CDH8: variants seen among roughly 807,000 people sequenced by gnomAD.
CDH8 encodes the protein cadherin-8.
In CDH8, 17 loss-of-function variants were observed where a neutral mutation model predicts 68.1. That is an observed-to-expected ratio of 0.25 (90% CI 0.17 to 0.37). CDH8 has a LOEUF of 0.37. Among genes scored for constraint, CDH8 ranks in the 10% least tolerant of loss-of-function variants. The probability of loss-of-function intolerance (pLI) is 1.00; values close to 1 mark genes in which losing one functional copy is unlikely to be tolerated. For synonymous variants in CDH8, 372 were observed against 365.1 expected (o/e 1.02, Z -0.21); for missense variants, 763 against 999.3 (o/e 0.76, Z 3.19).
chr16:62,004,061 TGGCC>T (rs1400839104), intron 2 of CDH8, among the ~76,000 whole-genome samples: 3 of 152,178 alleles, frequency 2.0e-5, no homozygotes, highest in Non-Finnish European at 4.4e-5. Flanking sequence ...GTGTAACATA[TGGCC>T]ATAGAGTGAC....
intron 4 of CDH8, among the ~76,000 whole-genome samples, chr16:61,849,350 T>C (rs1597016227): frequency 1.3e-5 from 2 of 150,382 alleles, no homozygotes; most frequent in South Asian, 4.2e-4. Flanking sequence ...GGATGAAGAG[T>C]GCATTAGGAG....
At chr16:62,025,961 A>G (rs1001534050) in intron 1 of CDH8, among the ~76,000 whole-genome samples, 1 of 152,134 alleles carries the variant, frequency 6.6e-6, no homozygotes, top group African/African-American at 2.4e-5. Flanking sequence ...TATTTTAAGT[A>G]ATGTTTCATT....
chr16:61,702,945 G>T lies in CDH8; in HGVS notation c.1654+10896C>A, dbSNP rs536131227. Among the ~76,000 whole-genome samples, 4 of 152,248 alleles carry T rather than the reference G, an allele frequency of 2.6e-5. No homozygotes were observed. The East Asian group carries it at 7.7e-4, about 29-fold the overall frequency. On this transcript the variant is annotated intron_variant, in intron 10 of 11. Transcript: ENST00000577390. ...ATATAGAAAGATAAATGGAGAGATA[G>T]AAGTAATATAAGTTGTGTGAAATAA...
intron 7 of CDH8, among the ~76,000 whole-genome samples, chr16:61,816,270 A>T (rs1439511254): frequency 6.6e-6 from 1 of 152,192 alleles, no homozygotes; most frequent in Non-Finnish European, 1.5e-5. Flanking sequence ...TTTTGTACAA[A>T]TTCAACTTAT....
At chr16:61,838,536 C>T (rs1209032234) in intron 4 of CDH8, among the ~76,000 whole-genome samples, 7 of 152,088 alleles carry the variant, frequency 4.6e-5, no homozygotes, top group Non-Finnish European at 1.0e-4. Flanking sequence ...TCAAACTCTT[C>T]GTTGCTCATG....
At position 61,648,205 on chromosome 16, in the gene CDH8, C is replaced by T. The variant is rs34305460; in HGVS notation, c.*5403G>A. On this transcript the variant is annotated 3_prime_UTR_variant, in exon 12 of 12. Coordinates refer to ENST00000577390, the MANE Select transcript of CDH8 (RefSeq NM_001796.5). The stretch of plus-strand genomic sequence containing the variant: ...ATTTAACCCTGAAAATTCCTTATAA[C>T]GTTTCTGAACTTCATTTTTCCTATC... The T allele has an allele frequency of 0.069, 12,559 of 181,066 alleles. 623 individuals are homozygous for T. The highest frequency in any genetic ancestry group is 0.11 in the Admixed American group (1,770 of 16,174). 11.2% of individuals were successfully genotyped at this position (181,066 alleles called of 1,614,324 possible).
chr16:61,767,432 G>T (rs899645854), intron 8 of CDH8, among the ~76,000 whole-genome samples: 3 of 151,878 alleles, frequency 2.0e-5, no homozygotes, highest in Non-Finnish European at 4.4e-5. Flanking sequence ...CACCTGAAAC[G>T]CAGGATAATA....
chr16:62,026,399 G>A (rs1346789569), intron 1 of CDH8, among the ~76,000 whole-genome samples: 1 of 152,138 alleles, frequency 6.6e-6, no homozygotes, highest in Non-Finnish European at 1.5e-5. Flanking sequence ...TTACTGATTT[G>A]AAAACCACAC....
At chr16:61,963,630 A>T (rs1965195975) in intron 2 of CDH8, among the ~76,000 whole-genome samples, 1 of 152,192 alleles carries the variant, frequency 6.6e-6, no homozygotes, top group South Asian at 2.1e-4. Context: ...TTTGTTCTCC[A>T]TTGTGATAAG....
chr16:61,769,254 T>C (rs189742669), intron 8 of CDH8, among the ~76,000 whole-genome samples: 23 of 151,968 alleles, frequency 1.5e-4, no homozygotes, highest in African/African-American at 5.5e-4. Context: ...TCTTTGAATA[T>C]TATGGTCTTA....
At chr16:61,714,178 C>T (rs948268241) in intron 9 of CDH8, 1 of 504,788 alleles carries the variant, frequency 2.0e-6, no homozygotes, top group African/African-American at 2.0e-5. Flanking sequence ...AGAGCATTAC[C>T]TTTGTGTCCA....
intron 3 of CDH8, among the ~76,000 whole-genome samples, chr16:61,868,823 C>T (rs191973296): frequency 3.0e-4 from 46 of 152,138 alleles, no homozygotes; most frequent in Admixed American, 1.3e-3. Flanking sequence ...GAAAACTCTA[C>T]GTGACATAAT....
intron 9 of CDH8, among the ~76,000 whole-genome samples, chr16:61,724,308 C>G (rs1279025242): frequency 2.0e-5 from 3 of 150,650 alleles, no homozygotes; most frequent in Non-Finnish European, 4.5e-5. Context: ...AGAAAGCGAC[C>G]TCCCTCTTTT....
At chr16:61,913,954 A>G (rs766225724) in intron 2 of CDH8, among the ~76,000 whole-genome samples, 94 of 152,210 alleles carry the variant, frequency 6.2e-4, no homozygotes, top group African/African-American at 8.2e-4. Context: ...AACTCATAAC[A>G]TAACAGGATT....
At chr16:61,719,314 A>G (rs1959200520) in intron 9 of CDH8, among the ~76,000 whole-genome samples, 1 of 151,204 alleles carries the variant, frequency 6.6e-6, no homozygotes, top group South Asian at 2.1e-4. Context: ...CTGCCTTCAT[A>G]AATGCATTGT....
intron 10 of CDH8, among the ~76,000 whole-genome samples, chr16:61,665,804 C>CT (rs766191052): frequency 8.1e-6 from 1 of 122,986 alleles, no homozygotes; most frequent in South Asian, 2.6e-4. Context: ...TCCTTCCTTC[C>CT]TTTCCCTCCT....
intron 10 of CDH8, among the ~76,000 whole-genome samples, chr16:61,702,597 C>G (rs1023060045): frequency 5.3e-5 from 8 of 152,124 alleles, no homozygotes; most frequent in Admixed American, 2.0e-4. Context: ...TTGTTTCTAT[C>G]TTTCTGTTGT....
intron 2 of CDH8, among the ~76,000 whole-genome samples, chr16:61,993,161 G>A (rs1474428871): frequency 6.6e-6 from 1 of 152,166 alleles, no homozygotes; most frequent in Non-Finnish European, 1.5e-5. Flanking sequence ...AGTGACTGCA[G>A]AAAGCATCTG....
At chr16:61,830,538 T>C (rs1363449912) in intron 4 of CDH8, among the ~76,000 whole-genome samples, 3 of 151,982 alleles carry the variant, frequency 2.0e-5, no homozygotes, top group African/African-American at 7.2e-5. Context: ...TTGATGGTGC[T>C]ACGTTAAATA....
Sources: allele counts gnomAD v4.1 joint callset (sites outside exome capture counted in the v4.1 genomes callset), GRCh38; gene constraint gnomAD v4.1.1; transcripts MANE v1.5; gene names NCBI Gene and HGNC (gene_info 2026-07-23, HGNC 2026-07-21).